TTN: variants seen among roughly 807,000 people sequenced by gnomAD.
TTN encodes connectin.
TTN carries 1,525 observed loss-of-function variants against 3,223.0 expected under a neutral mutation model. The ratio of observed to expected loss-of-function variants is 0.47; its 90% CI spans 0.45 to 0.49. TTN has a LOEUF of 0.49. Among genes scored for constraint, TTN ranks in the 20% least tolerant of loss-of-function variants. The pLI is 0.00. For synonymous variants in TTN, 14,094 were observed against 15,161.0 expected (o/e 0.93, Z 5.17); for missense variants, 40,786 against 43,424.0 (o/e 0.94, Z 5.40).
rs886043755 is a variant in TTN, at chr2:178,679,632, C to G, written c.33631G>C (p.Val11211Leu). 3 of 1,611,858 alleles carry G rather than the reference C, an allele frequency of 1.9e-6. No homozygotes were observed. The Admixed American group carries it at 5.0e-5, about 27-fold the overall frequency. ...PVPEEKKPVP[V>L]PKKKEAPPAK... Reference sequence around the variant, plus strand: ...GGTGGAGCTTCCTTCTTCTTGGGAACAGGAACAGGTTTCTTCTCTTCTGGA... The same window carrying G: ...GGTGGAGCTTCCTTCTTCTTGGGAAGAGGAACAGGTTTCTTCTCTTCTGGA... Residue 11211 changes from valine to leucine, a missense_variant, in exon 141 of 363, where the codon GTT (valine) becomes CTT (leucine). Physicochemically the swap from Val to Leu is conservative, Grantham distance 32. Transcript: ENST00000589042.
At chr2:178,652,235 A>C (rs746727127) in intron 203 of TTN, 29 bp downstream of exon 203, 1 of 1,613,172 alleles carries the variant, frequency 6.2e-7, no homozygotes, top group Non-Finnish European at 8.5e-7. Context: ...AACAAACAAT[A>C]TCAAACACAG....
chr2:178,768,714 A>G lies in TTN; in HGVS notation c.9122T>C (p.Val3041Ala), dbSNP rs770850737. The change falls in exon 38 of 363, where the codon GTG (valine) becomes GCG (alanine). Residue 3041 changes from valine (V) to alanine (A), a missense_variant. By Grantham distance (64) the Val-to-Ala change is moderately conservative. Transcript: ENST00000589042. ...HFGDAADYTF[V>A]AGKATSTATL... ...GGCTGTTGATGTTGCTTTTCCAGCC[A>G]CAAAGGTGTAGTCAGCAGCATCCCC... 5.0e-6 allele frequency: 8 copies of G among 1,614,124 alleles called. No homozygotes were observed. The South Asian group carries it at 5.5e-5, about 11-fold the overall frequency.
At chr2:178,748,697 T>A in intron 47 of TTN, 2 of 1,612,794 alleles carry the variant, frequency 1.2e-6, no homozygotes, top group Non-Finnish European at 1.7e-6. Flanking sequence ...AGGTGATTCA[T>A]GTTCAGCTCT....
chr2:178,649,575 G>A lies in TTN; in HGVS notation c.39952C>T (p.Pro13318Ser), dbSNP rs2062590416. The A allele has an allele frequency of 1.3e-6, 2 of 1,549,658 alleles. No homozygotes were observed. Among genetic ancestry groups the A allele is most frequent in the African/African-American group, 2.7e-5 (2 of 72,936 alleles). ...ATACCTTTAGCTGCTGGTGTTTCTG[G>A]CTTCTTAACAGTTGGGACCTTCTTC... is the stretch of plus-strand genomic sequence containing the variant. ...PVKKVPTVKK[P>S]ETPAAKVPEV... Residue 13318 changes from proline to serine, a missense_variant, in exon 212 of 363, where the codon CCA becomes TCA. Coordinates refer to ENST00000589042, the MANE Select transcript of TTN (RefSeq NM_001267550.2).
chr2:178,592,213 A>G lies in TTN; in HGVS notation c.59691T>C (p.Thr19897=). The G allele has an allele frequency of 6.2e-7, 1 of 1,611,996 alleles. No homozygotes were observed. The part of the protein sequence containing the change: ...SEIRKDSCYL[T]WKEPLDDGGS... ...CACCATCATCCAGTGGTTCTTTCCA[A>G]GTAAGGTAACATGAATCTTTCCTAA... Residue 19897 remains threonine, a synonymous_variant, in exon 302 of 363, where the codon ACT becomes ACC. Coordinates refer to ENST00000589042, the MANE Select transcript of TTN (RefSeq NM_001267550.2).
At chr2:178,696,548 CCA>C (rs2073760642) in intron 113 of TTN, among the ~76,000 whole-genome samples, 1 of 151,722 alleles carries the variant, frequency 6.6e-6, no homozygotes, top group Non-Finnish European at 1.5e-5. Flanking sequence ...CATGAGAGCT[CCA>C]GTTTGCAGAA....
intron 113 of TTN, 88 bp downstream of exon 113, chr2:178,697,033 T>A: frequency 8.3e-7 from 1 of 1,200,598 alleles, no homozygotes; most frequent in Admixed American, 2.1e-5. Flanking sequence ...TTTCAATAAG[T>A]TGGAAGCCTA....
intron 356 of TTN, 127 bp from the exon 357 acceptor site, chr2:178,536,702 A>G: frequency 1.1e-6 from 1 of 921,848 alleles, no homozygotes; most frequent in Non-Finnish European, 1.5e-6. Flanking sequence ...CAGAAAGATG[A>G]AATTGGTTAC....
intron 102 of TTN, 78 bp downstream of exon 102, chr2:178,706,376 G>C: frequency 1.4e-6 from 2 of 1,443,298 alleles, no homozygotes. Flanking sequence ...ACTTTCCACT[G>C]GGGCTGGTTG....
rs1390276165 is a variant in TTN, at chr2:178,795,243, A to C, written c.924T>G (p.Ser308=). 1 of 1,614,024 alleles carries C rather than the reference A, an allele frequency of 6.2e-7. No individual in the cohort carries two copies. Among genetic ancestry groups the C allele is most frequent in the Non-Finnish European group, 8.5e-7 (1 of 1,180,004 alleles). Residue 308 remains serine, a synonymous_variant, in exon 7 of 363, where the codon TCT becomes TCG. Coordinates refer to ENST00000589042, the MANE Select transcript of TTN (RefSeq NM_001267550.2). ...APTPSPVRSV[S]PAARISTSPI... is the part of the protein sequence containing the mutation. ...GGGATGTGGAGATTCTTGCTGCTGG[A>C]GACACGGACCTGAAAACCAAAAGGC...
chr2:178,748,086 C>T lies in TTN; in HGVS notation c.11311+5038G>A, dbSNP rs113019389. 28 of 1,612,978 alleles carry T rather than the reference C, an allele frequency of 1.7e-5. No homozygotes were observed. The South Asian group carries it at 2.4e-4, about 14-fold the overall frequency. On this transcript the variant is annotated intron_variant, in intron 47 of 362. Transcript: ENST00000589042. ...TCACCAACCCCTAAAGGCTTTTCCT[C>T]ACTTGCTGCTTTTTTCAAATGTGAG...
Position 178,781,004 on chromosome 2 carries a change from C to A in TTN, c.3523+117G>T, listed in dbSNP as rs12464703. ...TTTCCATACAACTGAGGCAAAGACA[C>A]TGGGGCAAAGTATCAGAACCAGTAA... On this transcript the variant is annotated intron_variant, in intron 21 of 362. Transcript: ENST00000589042. The A allele has an allele frequency of 0.053, 74,173 of 1,412,090 alleles. 3,393 individuals are homozygous for A. Among genetic ancestry groups the A allele is most frequent in the Admixed American group, 0.2 (11,114 of 55,424 alleles). 87.5% of individuals were successfully genotyped at this position (1,412,090 alleles called of 1,614,324 possible). A position where few individuals can be genotyped will look rare whatever the true frequency, so the allele number is the denominator to read the frequency against.
Position 178,548,903 on chromosome 2 carries a change from C to T in TTN, c.92723G>A (p.Cys30908Tyr). 1 of 1,613,864 alleles carries T rather than the reference C, an allele frequency of 6.2e-7. No homozygotes were observed. Among genetic ancestry groups the T allele is most frequent in the Non-Finnish European group, 8.5e-7 (1 of 1,179,836 alleles). The stretch of plus-strand genomic sequence containing the variant: ...TGCTTTAATTGTGCCAGTCACTTCA[C>T]AGCTGTCGCCTTTTCCAGCACCATT... ...AINGAGKGDS[C>Y]EVTGTIKAVD... The change falls in exon 339 of 363, where the codon TGT becomes TAT. Residue 30908 changes from cysteine to tyrosine, a missense_variant. Physicochemically the swap from Cys to Tyr is radical, Grantham distance 194 (BLOSUM62 -2). Coordinates refer to ENST00000589042, the MANE Select transcript of TTN (RefSeq NM_001267550.2). This position sits in a 1 kb window ranked among gnomAD's most constrained non-coding sequence, Gnocchi z 4.3.
In TTN at chr2:178,641,228, C is replaced by T; in HGVS notation, c.40633+13G>A. ...TAAAAGATAATCTTACAAATTGTCA[C>T]TGAGATTCCTACCTGCAGGTTTTTT... On this transcript the variant is annotated intron_variant, in intron 220 of 362. Transcript: ENST00000589042. 6.7e-7 allele frequency: 1 copy of T among 1,486,406 alleles called. No individual in the cohort carries two copies. The highest frequency in any genetic ancestry group is 1.3e-5 in the South Asian group (1 of 77,170). 92.1% of individuals were successfully genotyped at this position (1,486,406 alleles called of 1,614,324 possible).
rs779078718 is a variant in TTN at position 178,717,710 on chromosome 2, A to T, written c.25164T>A (p.Pro8388=). 1 of 1,613,484 alleles carries T rather than the reference A, an allele frequency of 6.2e-7. No individual in the cohort carries two copies. Among genetic ancestry groups the T allele is most frequent in the South Asian group, 1.1e-5 (1 of 91,046 alleles). ...AFECRINGSE[P]LQVSWYKDGV... ...CATCCTTGTACCAAGACACTTGAAG[A>T]GGTTCTGAGCCATTGATGCGGCATT... Residue 8388 remains proline (P), a synonymous_variant, in exon 87 of 363, where the codon CCT becomes CCA. Coordinates refer to ENST00000589042, the MANE Select transcript of TTN (RefSeq NM_001267550.2).
intron 240 of TTN, among the ~76,000 whole-genome samples, chr2:178,626,303 C>T (rs1479757919): frequency 1.3e-5 from 2 of 151,994 alleles, no homozygotes; most frequent in African/African-American, 4.8e-5. Context: ...TTGGACTCTT[C>T]TTCCTTTTTC....
chr2:178,748,558 A>G, intron 47 of TTN: 1 of 1,613,052 alleles, frequency 6.2e-7, no homozygotes, highest in Non-Finnish European at 8.5e-7. Context: ...GATCAAATAC[A>G]ATGTTCTCAG....
In TTN at chr2:178,597,909, A is replaced by G; in HGVS notation, c.57261T>C (p.Leu19087=). ...VTDVIEMKDR[L]VSPDLQLDAS... is the part of the protein sequence containing the mutation. ...GCATAAGGAAGGATTGATAATTACCAAGTCTGTCCTTCATTTCAATGACAT... is the reference window on the plus strand; with the variant it reads ...GCATAAGGAAGGATTGATAATTACCGAGTCTGTCCTTCATTTCAATGACAT... Residue 19087 remains leucine (L), a splice_region_variant and synonymous_variant, in exon 293 of 363, where the codon CTT becomes CTC. Coordinates refer to ENST00000589042, the MANE Select transcript of TTN (RefSeq NM_001267550.2). 1 of 1,613,110 alleles carries G rather than the reference A, an allele frequency of 6.2e-7. No homozygotes were observed. Among genetic ancestry groups the G allele is most frequent in the Non-Finnish European group, 8.5e-7 (1 of 1,179,520 alleles).
At position 178,667,446 on chromosome 2, in the gene TTN, A is replaced by AGTT. The variant is rs984035117; in HGVS notation, c.35706_35708dup (p.Thr11903dup). ...TTTGATGTATTTGAAATATACCTTT[A>AGTT]GTTGCTGGTGTTTCTCTCTTTTTAG... On this transcript the variant is annotated inframe_insertion, in exon 161 of 363. Coordinates refer to ENST00000589042, the MANE Select transcript of TTN (RefSeq NM_001267550.2). 53 of 1,599,880 alleles carry AGTT rather than the reference A, an allele frequency of 3.3e-5. No individual in the cohort carries two copies. Among genetic ancestry groups the AGTT allele is most frequent in the Non-Finnish European group, 4.3e-5 (51 of 1,175,232 alleles).
Sources: allele counts gnomAD v4.1 joint callset (sites outside exome capture counted in the v4.1 genomes callset), GRCh38; gene constraint gnomAD v4.1.1; non-coding constraint Gnocchi (gnomAD v3.1); transcripts MANE v1.5; gene names NCBI Gene and HGNC (gene_info 2026-07-23, HGNC 2026-07-21).